Variants in SMIM36 observed in about 807,000 individuals in gnomAD.
SMIM36 encodes small integral membrane protein 36.
At chr17:55,469,403 T>C (rs544045115) in intron 3 of SMIM36, among the ~76,000 whole-genome samples, 4 of 152,176 alleles carry the variant, frequency 2.6e-5, no homozygotes, top group Non-Finnish European at 4.4e-5. Context: ...GCCCAGTTCA[T>C]GACCCATTTG....
chr17:55,491,887 G>T (rs979741218), intron 1 of SMIM36, among the ~76,000 whole-genome samples: 10 of 152,238 alleles, frequency 6.6e-5, no homozygotes, highest in African/African-American at 2.4e-4. Context: ...AGGCGGGGCG[G>T]GGTGGCTCAC....
At chr17:55,473,289 C>T (rs545733286) in intron 3 of SMIM36, among the ~76,000 whole-genome samples, 2 of 152,294 alleles carry the variant, frequency 1.3e-5, no homozygotes, top group South Asian at 4.1e-4. Context: ...TTGTCCTTTT[C>T]CTATGCATCA....
intron 1 of SMIM36, among the ~76,000 whole-genome samples, chr17:55,503,106 C>T (rs1306879895): frequency 3.6e-5 from 4 of 110,402 alleles, no homozygotes; most frequent in African/African-American, 1.2e-4. Context: ...GATTGGTGTA[C>T]CTGAAAGTGA....
rs146093793 is a variant in SMIM36, at chr17:55,482,214, T to C, written c.*175-2634A>G. Among the ~76,000 whole-genome samples the C allele has an allele frequency of 7.4e-3, 1,128 of 152,278 alleles. 15 individuals carry two copies. The highest frequency in any genetic ancestry group is 0.025 in the African/African-American group (1,058 of 41,548). ...AGTTAGAGGTAAAGGAAAGAACTCG[T>C]TGGTTGCCACACATAGCATGTGTCC... On this transcript the variant is annotated intron_variant, in intron 1 of 4. Coordinates refer to ENST00000636752, the Ensembl canonical transcript of SMIM36.
At chr17:55,498,127 T>A (rs1337983350) in intron 1 of SMIM36, among the ~76,000 whole-genome samples, 1 of 152,206 alleles carries the variant, frequency 6.6e-6, no homozygotes. Flanking sequence ...ATAACTCCAT[T>A]CTTCATATGC....
chr17:55,484,582 C>T (rs867665052), intron 1 of SMIM36, among the ~76,000 whole-genome samples: 2 of 152,176 alleles, frequency 1.3e-5, no homozygotes, highest in Non-Finnish European at 2.9e-5. Flanking sequence ...ACAGAACCAT[C>T]TGGGAAGAAT....
At chr17:55,482,003 C>T (rs1909529023) in intron 1 of SMIM36, among the ~76,000 whole-genome samples, 1 of 152,144 alleles carries the variant, frequency 6.6e-6, no homozygotes, top group Non-Finnish European at 1.5e-5. Flanking sequence ...AGCCAAGCAT[C>T]ATGATTTTAA....
chr17:55,526,142 A>G, the SMIM36 span, among the ~76,000 whole-genome samples: 1 of 151,536 alleles, frequency 6.6e-6, no homozygotes. Context: ...TATTATTATT[A>G]TTAATTATGA....
chr17:55,508,425 C>T (rs1910117573), intron 1 of SMIM36, among the ~76,000 whole-genome samples: 1 of 103,530 alleles, frequency 9.7e-6, no homozygotes, highest in Admixed American at 1.0e-4. Flanking sequence ...TATATATATT[C>T]CTAGGAATAT....
At chr17:55,511,308 A>T in exon 1 of SMIM36, 1 of 398,680 alleles carries the variant, frequency 2.5e-6, no homozygotes, top group Non-Finnish European at 4.4e-6. Flanking sequence ...TCAAGGTAAC[A>T]GGGTCGATCT....
intron 1 of SMIM36, among the ~76,000 whole-genome samples, chr17:55,497,106 T>A (rs1043390910): frequency 1.2e-4 from 18 of 152,138 alleles, no homozygotes; most frequent in Admixed American, 3.9e-4. Flanking sequence ...AACCCCATAA[T>A]ATCTTTCCTT....
chr17:55,525,032 A>G, the SMIM36 span, among the ~76,000 whole-genome samples: 1 of 152,180 alleles, frequency 6.6e-6, no homozygotes, highest in Non-Finnish European at 1.5e-5. Flanking sequence ...AAGTTGCCCA[A>G]GGTCGTATGT....
intron 1 of SMIM36, among the ~76,000 whole-genome samples, chr17:55,496,411 A>G (rs1909808403): frequency 6.6e-6 from 1 of 152,208 alleles, no homozygotes; most frequent in Non-Finnish European, 1.5e-5. Context: ...AAAAAAAAAT[A>G]TGCGCAGACA....
intron 4 of SMIM36, among the ~76,000 whole-genome samples, chr17:55,456,091 C>T (rs1184224532): frequency 7.6e-6 from 1 of 131,950 alleles, no homozygotes; most frequent in African/African-American, 2.9e-5. Flanking sequence ...GCACTCCAGC[C>T]TGGGCAACAA....
chr17:55,523,724 G>A, the SMIM36 span, among the ~76,000 whole-genome samples: 1 of 151,970 alleles, frequency 6.6e-6, no homozygotes, highest in Non-Finnish European at 1.5e-5. Flanking sequence ...TGGCAGTCTC[G>A]GCCGACTAAT....
At chr17:55,524,767 A>G in the SMIM36 span, among the ~76,000 whole-genome samples, 27 of 152,326 alleles carry the variant, frequency 1.8e-4, no homozygotes, top group Non-Finnish European at 2.5e-4. Flanking sequence ...GCTAGTGAAA[A>G]AAGTGCCCTA....
intron 1 of SMIM36, among the ~76,000 whole-genome samples, chr17:55,504,064 G>A (rs1385815393): frequency 9.6e-6 from 1 of 103,876 alleles, no homozygotes; most frequent in Non-Finnish European, 1.8e-5. Context: ...GGAGCACCCA[G>A]ATTCATAAAG....
At chr17:55,525,699 C>G in the SMIM36 span, among the ~76,000 whole-genome samples, 1 of 152,138 alleles carries the variant, frequency 6.6e-6, no homozygotes, top group Non-Finnish European at 1.5e-5. Flanking sequence ...ACTCTGTCAT[C>G]CAGGCTGCAG....
At position 55,453,635 on chromosome 17, in the gene SMIM36, C is replaced by T. The variant is rs117277981; in HGVS notation, c.*532-3337G>A. On this transcript the variant is annotated intron_variant, in intron 4 of 4. Coordinates refer to ENST00000636752, the Ensembl canonical transcript of SMIM36. ...AGTGGATTCTTAGAAGTTGAACACA[C>T]GCTAATAACTAGCACTGAGAACAAG... 1.1e-3 allele frequency among the ~76,000 whole-genome samples: 163 copies of T among 152,256 alleles called. 4 individuals carry two copies. The East Asian group carries it at 0.023, about 22-fold the overall frequency.
Sources: allele counts gnomAD v4.1 joint callset (sites outside exome capture counted in the v4.1 genomes callset), GRCh38; gene constraint gnomAD v4.1.1; transcripts MANE v1.5; gene names NCBI Gene and HGNC (gene_info 2026-07-23, HGNC 2026-07-21).